The following NRG1 variants were observed in gnomAD, a reference collection of about 807,000 sequenced individuals.
The protein encoded by NRG1 is neuregulin 1, also known as pro-neuregulin-1, membrane-bound isoform.
NRG1 carries 18 observed loss-of-function variants against 63.8 expected under a neutral mutation model. The ratio of observed to expected loss-of-function variants is 0.28; its 90% CI spans 0.19 to 0.42. NRG1 has a LOEUF of 0.42. Ranked by LOEUF, NRG1 falls within the 10% of genes least tolerant of loss-of-function variation. The probability of loss-of-function intolerance (pLI) is 1.00; values close to 1 mark genes in which losing one functional copy is unlikely to be tolerated. For missense variants in NRG1, 762 were observed against 814.7 expected (o/e 0.94, Z 0.79); for synonymous variants, 302 against 301.3 (o/e 1.00, Z -0.02).
At chr8:32,523,155 G>A (rs751261271) in intron 1 of NRG1, among the ~76,000 whole-genome samples, 5 of 152,102 alleles carry the variant, frequency 3.3e-5, no homozygotes, top group East Asian at 1.9e-4. Context: ...CTCAATGCCT[G>A]GGTCAAGGAC....
At chr8:32,361,128 C>A (rs1260419381) in intron 1 of NRG1, among the ~76,000 whole-genome samples, 2 of 152,090 alleles carry the variant, frequency 1.3e-5, no homozygotes, top group Non-Finnish European at 2.9e-5. Flanking sequence ...GTAAGGGGTT[C>A]TTCAAATGTA....
chr8:31,666,872 T>G (rs1360139597), intron 1 of NRG1, among the ~76,000 whole-genome samples: 1 of 152,202 alleles, frequency 6.6e-6, no homozygotes, highest in Admixed American at 6.5e-5. Context: ...CAGTCACACG[T>G]TTCCCTGGTT....
At chr8:32,266,868 T>C (rs1442382727) in intron 1 of NRG1, among the ~76,000 whole-genome samples, 4 of 105,888 alleles carry the variant, frequency 3.8e-5, no homozygotes, top group Non-Finnish European at 7.5e-5. Context: ...ACCACGTCTC[T>C]ACTAAAAATA....
intron 11 of NRG1, chr8:32,760,956 A>G: frequency 3.0e-6 from 3 of 986,480 alleles, no homozygotes; most frequent in Non-Finnish European, 2.4e-6. Context: ...TGAAATTCCA[A>G]GAAGGGATGA....
chr8:32,722,064 A>G (rs1229285576), intron 5 of NRG1: 11 of 1,519,300 alleles, frequency 7.2e-6, no homozygotes, highest in African/African-American at 2.8e-5. Context: ...AAAAATCTGT[A>G]ATTTTGTAGT....
chr8:32,289,706 T>C (rs1257533351), intron 1 of NRG1, among the ~76,000 whole-genome samples: 1 of 152,150 alleles, frequency 6.6e-6, no homozygotes, highest in Non-Finnish European at 1.5e-5. Context: ...TACTTTAGCT[T>C]GTCTAACTTA....
chr8:32,321,640 T>C lies in NRG1; in HGVS notation c.38-274188T>C, dbSNP rs541707865. 2.6e-5 allele frequency among the ~76,000 whole-genome samples: 4 copies of C among 152,020 alleles called. No individual in the cohort carries two copies. The South Asian group carries it at 6.2e-4, about 24-fold the overall frequency. On this transcript the variant is annotated intron_variant, in intron 1 of 10. Coordinates refer to the NRG1 transcript ENST00000519301. ...TAAATGAAACCAATAGCTTCACTAG[T>C]GATCTCATAACCTCAAAGCACTTTA...
intron 1 of NRG1, among the ~76,000 whole-genome samples, chr8:32,081,388 G>A (rs1287643100): frequency 6.6e-6 from 1 of 152,086 alleles, no homozygotes; most frequent in Admixed American, 6.6e-5. Flanking sequence ...GAGGAAAAGG[G>A]AAAGTTCCCT....
At chr8:32,171,731 AC>A (rs1441567534) in intron 1 of NRG1, among the ~76,000 whole-genome samples, 1 of 152,156 alleles carries the variant, frequency 6.6e-6, no homozygotes, top group Non-Finnish European at 1.5e-5. Context: ...TTGTATGCCC[AC>A]GGAGCCTCCC....
At chr8:32,435,904 T>A (rs1818727829) in intron 1 of NRG1, among the ~76,000 whole-genome samples, 1 of 152,208 alleles carries the variant, frequency 6.6e-6, no homozygotes, top group Non-Finnish European at 1.5e-5. Flanking sequence ...AAGATTTTAT[T>A]GGTAAAATGT....
intron 1 of NRG1, among the ~76,000 whole-genome samples, chr8:31,658,053 A>G (rs1805603971): frequency 6.6e-6 from 1 of 152,220 alleles, no homozygotes; most frequent in Non-Finnish European, 1.5e-5. Context: ...ATACATTTTG[A>G]GAGTAGTAAA....
intron 1 of NRG1, among the ~76,000 whole-genome samples, chr8:32,157,363 A>C (rs1838222885): frequency 6.8e-6 from 1 of 148,052 alleles, no homozygotes; most frequent in Non-Finnish European, 1.5e-5. Context: ...TGTCTCAAAA[A>C]AAAAAAAAAA....
exon 12 of NRG1, chr8:32,765,449 G>A (rs1004490287): frequency 6.6e-6 from 1 of 152,164 alleles, no homozygotes; most frequent in Non-Finnish European, 1.5e-5. Flanking sequence ...GCGATGACTT[G>A]TCATCATAGG....
rs146045829 is a variant in NRG1, at chr8:31,647,410, C to T, written c.37+7979C>T. ...GGTTCTTTGCCTTCACTTCCTCAGT[C>T]GGCCCTGGAGGCACTGTGGGAGATG... On this transcript the variant is annotated intron_variant, in intron 1 of 10. Transcript: ENST00000519301. 2.8e-3 allele frequency among the ~76,000 whole-genome samples: 430 copies of T among 152,282 alleles called. 6 individuals are homozygous for T. Among genetic ancestry groups the T allele is most frequent in the Non-Finnish European group, 2.9e-3 (196 of 68,032 alleles).
At chr8:32,253,144 G>C (rs1427469559) in intron 1 of NRG1, among the ~76,000 whole-genome samples, 1 of 152,216 alleles carries the variant, frequency 6.6e-6, no homozygotes, top group Non-Finnish European at 1.5e-5. Flanking sequence ...TCTACAAACA[G>C]AGACAATTTG....
chr8:32,660,954 A>G (rs1023595938), intron 5 of NRG1, among the ~76,000 whole-genome samples: 25 of 152,344 alleles, frequency 1.6e-4, no homozygotes, highest in Admixed American at 1.6e-3. Flanking sequence ...ACCTATTGAC[A>G]CAGCTATGGA....
chr8:32,243,092 A>T (rs968111286), intron 1 of NRG1, among the ~76,000 whole-genome samples: 3 of 151,848 alleles, frequency 2.0e-5, no homozygotes, highest in African/African-American at 7.3e-5. Context: ...TCCTCTATGC[A>T]TGTCTGTCTC....
chr8:32,364,957 CT>C (rs372216683), intron 1 of NRG1, among the ~76,000 whole-genome samples: 34,505 of 108,394 alleles, frequency 0.32, 4,468 homozygotes, highest in African/African-American at 0.35. Flanking sequence ...CCCTTTACTA[CT>C]TTTTTTTTTT....
intron 1 of NRG1, among the ~76,000 whole-genome samples, chr8:31,851,456 T>C (rs1827206615): frequency 6.6e-6 from 1 of 152,188 alleles, no homozygotes; most frequent in African/African-American, 2.4e-5. Flanking sequence ...TTTCTATTGT[T>C]TTGATATAAT....
Sources: allele counts gnomAD v4.1 joint callset (sites outside exome capture counted in the v4.1 genomes callset), GRCh38; gene constraint gnomAD v4.1.1; transcripts MANE v1.5; gene names NCBI Gene and HGNC (gene_info 2026-07-23, HGNC 2026-07-21).